The following CNTN5 variants were observed in gnomAD, a reference collection of about 807,000 sequenced individuals.
The protein encoded by CNTN5 is contactin 5.
CNTN5 carries 77 observed loss-of-function variants against 129.1 expected under a neutral mutation model. The ratio of observed to expected loss-of-function variants is 0.60; its 90% CI spans 0.50 to 0.72. The LOEUF (loss-of-function observed/expected upper bound fraction) is 0.72, where lower values mean the gene tolerates loss of function less well. Among genes scored for constraint, CNTN5 ranks in the 30% least tolerant of loss-of-function variants. The probability of loss-of-function intolerance (pLI) is 0.00; values close to 1 mark genes in which losing one functional copy is unlikely to be tolerated. For missense variants in CNTN5, 1,478 were observed against 1,328.8 expected (o/e 1.11, Z -1.75); for synonymous variants, 509 against 465.6 (o/e 1.09, Z -1.20).
chr11:99,102,183 G>T (rs1866766999), intron 1 of CNTN5, among the ~76,000 whole-genome samples: 1 of 152,082 alleles, frequency 6.6e-6, no homozygotes, highest in Non-Finnish European at 1.5e-5. Context: ...CAAGTACCTA[G>T]ACTGCAGACA....
At chr11:99,474,489 G>A (rs1260873072) in intron 2 of CNTN5, among the ~76,000 whole-genome samples, 26 of 151,746 alleles carry the variant, frequency 1.7e-4, no homozygotes, top group Non-Finnish European at 3.5e-4. Flanking sequence ...AAATTACATA[G>A]CATATTTAAA....
At chr11:99,510,825 T>C (rs1387628343) in intron 2 of CNTN5, among the ~76,000 whole-genome samples, 1 of 152,212 alleles carries the variant, frequency 6.6e-6, no homozygotes, top group African/African-American at 2.4e-5. Flanking sequence ...TAGAATGTTC[T>C]CCTTTCAGAT....
At chr11:100,168,303 AG>A (rs1483032894) in intron 13 of CNTN5, among the ~76,000 whole-genome samples, 1 of 152,008 alleles carries the variant, frequency 6.6e-6, no homozygotes, top group Non-Finnish European at 1.5e-5. Context: ...ATTTTGGAAG[AG>A]GATGCCGTCT....
Position 99,366,962 on chromosome 11 carries a change from A to G in CNTN5, c.-71+41478A>G, listed in dbSNP as rs576137030. Among the ~76,000 whole-genome samples, 29 of 152,298 alleles carry G rather than the reference A, an allele frequency of 1.9e-4. No individual in the cohort carries two copies. The South Asian group carries it at 5.6e-3, about 29-fold the overall frequency. On this transcript the variant is annotated intron_variant, in intron 2 of 24. Coordinates refer to ENST00000524871, the MANE Select transcript of CNTN5 (RefSeq NM_014361.4). Reference sequence around the variant, plus strand: ...TGCTGTCATATTGTGATATCGACAGATAGGGCTCATCGTAAGCTGGGGATA... The same window carrying G: ...TGCTGTCATATTGTGATATCGACAGGTAGGGCTCATCGTAAGCTGGGGATA...
intron 1 of CNTN5, among the ~76,000 whole-genome samples, chr11:99,178,078 G>T (rs939398957): frequency 6.6e-6 from 1 of 152,012 alleles, no homozygotes; most frequent in Non-Finnish European, 1.5e-5. Context: ...AACCGTACAT[G>T]AAGTGAACAG....
chr11:99,114,018 T>A (rs10892779), intron 1 of CNTN5, among the ~76,000 whole-genome samples: 37,459 of 152,034 alleles, frequency 0.25, 4,981 homozygotes, highest in Middle Eastern at 0.31. Context: ...CATTCATGTA[T>A]TTTTAATGTT....
intron 3 of CNTN5, among the ~76,000 whole-genome samples, chr11:99,639,360 G>A (rs1951682172): frequency 6.6e-6 from 1 of 152,178 alleles, no homozygotes. Flanking sequence ...GACATGGCCT[G>A]GAGATATTTT....
At chr11:99,801,993 G>T (rs1193898074) in intron 3 of CNTN5, among the ~76,000 whole-genome samples, 1 of 152,156 alleles carries the variant, frequency 6.6e-6, no homozygotes, top group Non-Finnish European at 1.5e-5. Flanking sequence ...CTCATCTGGA[G>T]ATACTGGGAT....
intron 6 of CNTN5, among the ~76,000 whole-genome samples, chr11:99,860,978 C>T (rs1287358248): frequency 3.3e-4 from 33 of 100,544 alleles, no homozygotes; most frequent in African/African-American, 1.2e-3. Context: ...TTTTTTGAGA[C>T]GGAGTCTCGC....
chr11:99,845,367 T>TA, intron 6 of CNTN5, 105 bp downstream of exon 6: 1 of 123,402 alleles, frequency 8.1e-6, no homozygotes, highest in Admixed American at 3.1e-4. Context: ...ATCTCAAATC[T>TA]TTTTTTTTTT....
chr11:100,344,386 T>C (rs1187875622), intron 23 of CNTN5, among the ~76,000 whole-genome samples: 1 of 152,196 alleles, frequency 6.6e-6, no homozygotes, highest in African/African-American at 2.4e-5. Flanking sequence ...TAAATGATTC[T>C]TTTGTATAGT....
chr11:99,144,003 C>A (rs574873361), intron 1 of CNTN5, among the ~76,000 whole-genome samples: 1 of 152,182 alleles, frequency 6.6e-6, no homozygotes, highest in Non-Finnish European at 1.5e-5. Context: ...TATTTTTTCC[C>A]AAACCATCAT....
intron 9 of CNTN5, among the ~76,000 whole-genome samples, chr11:100,022,847 C>A (rs2137571936): frequency 6.6e-6 from 1 of 152,220 alleles, no homozygotes; most frequent in Non-Finnish European, 1.5e-5. Context: ...TGTTTCTCTA[C>A]TATTTTCTAA....
chr11:99,847,441 A>T (rs1308870454), intron 6 of CNTN5, among the ~76,000 whole-genome samples: 2 of 152,160 alleles, frequency 1.3e-5, no homozygotes, highest in Non-Finnish European at 1.5e-5. Flanking sequence ...GCTTATTTTT[A>T]ACTTAAGCAT....
intron 18 of CNTN5, among the ~76,000 whole-genome samples, chr11:100,289,406 C>T (rs973648653): frequency 6.6e-6 from 1 of 151,116 alleles, no homozygotes; most frequent in Non-Finnish European, 1.5e-5. Context: ...AAAAGCTTAT[C>T]CACCATGATC....
intron 1 of CNTN5, among the ~76,000 whole-genome samples, chr11:99,130,855 A>G (rs1298432757): frequency 6.6e-6 from 1 of 152,170 alleles, no homozygotes; most frequent in African/African-American, 2.4e-5. Context: ...CTGCTCCTGA[A>G]TGACTACCAG....
chr11:99,611,212 A>G (rs1950583128), intron 3 of CNTN5, among the ~76,000 whole-genome samples: 1 of 152,190 alleles, frequency 6.6e-6, no homozygotes. Context: ...CCACATTCTT[A>G]TCACAGGAGT....
chr11:99,705,586 C>T (rs1954720565), intron 3 of CNTN5, among the ~76,000 whole-genome samples: 1 of 151,210 alleles, frequency 6.6e-6, no homozygotes, highest in African/African-American at 2.4e-5. Context: ...GTCAGGTTTG[C>T]TTGTTCTAGA....
intron 3 of CNTN5, among the ~76,000 whole-genome samples, chr11:99,575,252 T>C (rs1949307029): frequency 6.6e-6 from 1 of 152,106 alleles, no homozygotes; most frequent in Non-Finnish European, 1.5e-5. Context: ...ATTCAGAAAA[T>C]TTGATACTTA....
Sources: allele counts gnomAD v4.1 joint callset (sites outside exome capture counted in the v4.1 genomes callset), GRCh38; gene constraint gnomAD v4.1.1; transcripts MANE v1.5; gene names NCBI Gene and HGNC (gene_info 2026-07-23, HGNC 2026-07-21).